The following PAX9 variants were observed in gnomAD, a reference collection of about 807,000 sequenced individuals.
The protein encoded by PAX9 is paired box protein Pax-9.
In PAX9, 6 loss-of-function variants were observed where a neutral mutation model predicts 29.1. The observed-to-expected ratio is 0.21, with a 90% confidence interval of 0.11 to 0.41. The LOEUF (loss-of-function observed/expected upper bound fraction) is 0.41, where lower values mean the gene tolerates loss of function less well. Among genes scored for constraint, PAX9 ranks in the 10% least tolerant of loss-of-function variants. The pLI is 1.00. For missense variants in PAX9, 443 were observed against 479.1 expected, an observed-to-expected ratio of 0.92 and a Z score of 0.70; for synonymous variants, 217 against 211.7, an observed-to-expected ratio of 1.03 and a Z score of -0.22.
chr14:36,667,969 C>T (rs551091945), intron 3 of PAX9, among the ~76,000 whole-genome samples: 2 of 152,320 alleles, frequency 1.3e-5, no homozygotes, highest in South Asian at 2.1e-4. Flanking sequence ...GTCTCTATTT[C>T]TTCATCTTTA....
intron 3 of PAX9, among the ~76,000 whole-genome samples, chr14:36,668,966 A>G (rs1489676913): frequency 6.6e-6 from 1 of 152,162 alleles, no homozygotes; most frequent in Non-Finnish European, 1.5e-5. Context: ...TTTTTCCAGA[A>G]TAAAAATATT....
upstream of PAX9, among the ~76,000 whole-genome samples, chr14:36,660,722 A>T (rs537869932): frequency 3.9e-5 from 6 of 152,340 alleles, no homozygotes; most frequent in South Asian, 1.2e-3. Flanking sequence ...CAAGCAGTAC[A>T]AACTCCCAAA....
chr14:36,676,625 A>C lies in PAX9; in HGVS notation c.*173A>C. On this transcript the variant is annotated 3_prime_UTR_variant, in exon 4 of 4. Coordinates refer to ENST00000361487, the MANE Select transcript of PAX9 (RefSeq NM_001372076.1). ...ATGACACTTACATATTTCTTGCCAT[A>C]ACTTTTCTCTTGCAGAAAAACTGAC... is the stretch of plus-strand genomic sequence containing the variant. 1.4e-6 allele frequency: 1 copy of C among 739,992 alleles called. No homozygotes were observed. The highest frequency in any genetic ancestry group is 2.7e-5 in the East Asian group (1 of 36,832). The allele number at this position is 739,992 out of a possible 1,614,324, so 45.8% of individuals were successfully genotyped here. A position where few individuals can be genotyped will look rare whatever the true frequency, so the allele number is the denominator to read the frequency against.
chr14:36,665,479 C>A (rs1428929970), intron 2 of PAX9, among the ~76,000 whole-genome samples: 1 of 152,140 alleles, frequency 6.6e-6, no homozygotes, highest in African/African-American at 2.4e-5. Context: ...GACCCAAAGA[C>A]AAACATACAT....
At chr14:36,671,776 A>G (rs1033850331) in intron 3 of PAX9, among the ~76,000 whole-genome samples, 2 of 152,180 alleles carry the variant, frequency 1.3e-5, no homozygotes, top group African/African-American at 2.4e-5. Context: ...TAAAACTTGT[A>G]CTTTCATTCT....
chr14:36,660,009 G>A (rs1881196995), upstream of PAX9, among the ~76,000 whole-genome samples: 1 of 152,174 alleles, frequency 6.6e-6, no homozygotes, highest in Non-Finnish European at 1.5e-5. Flanking sequence ...CGGAAGTAGA[G>A]CAGATTTGGC....
chr14:36,666,476 C>G lies in PAX9; in HGVS notation c.646C>G (p.Pro216Ala), dbSNP rs1881494008. ...CTCTCCATCAGTGAGCGACAGCTCC[C>G]CCTACCACAGCCCCAAGGTGGAGGA... is the stretch of plus-strand genomic sequence containing the variant. ...SITDQVSDSS[P>A]YHSPKVEEWS... The change falls in exon 3 of 4, where the codon CCC becomes GCC. Residue 216 changes from proline (P) to alanine (A), a missense_variant. Pro to Ala is a conservative substitution (Grantham distance 27). This residue lies in a region of PAX9 where 336 missense variants were observed against 317.2 expected (regional missense o/e 1.06). Coordinates refer to ENST00000361487, the MANE Select transcript of PAX9 (RefSeq NM_001372076.1). 3.7e-6 allele frequency: 6 copies of G among 1,611,100 alleles called. No homozygotes were observed. Among genetic ancestry groups the G allele is most frequent in the Non-Finnish European group, 5.1e-6 (6 of 1,179,026 alleles).
chr14:36,660,726 T>TC (rs1881225387), upstream of PAX9, among the ~76,000 whole-genome samples: 1 of 152,198 alleles, frequency 6.6e-6, no homozygotes, highest in Non-Finnish European at 1.5e-5. Flanking sequence ...CAGTACAAAC[T>TC]CCCAAATTCA....
chr14:36,662,663 C>T (rs17104893), intron 1 of PAX9: 7,974 of 582,504 alleles, frequency 0.014, 482 homozygotes, highest in African/African-American at 0.13. Context: ...CACCACTTTA[C>T]TTGGCCGTAG....
chr14:36,676,841 ATTG>A lies in PAX9; in HGVS notation c.*393_*395del, dbSNP rs1881913788. 1 of 236,322 alleles carries A rather than the reference ATTG, an allele frequency of 4.2e-6. No individual in the cohort carries two copies. Among genetic ancestry groups the A allele is most frequent in the South Asian group, 6.3e-5 (1 of 15,864 alleles). 14.6% of individuals were successfully genotyped at this position (236,322 alleles called of 1,614,324 possible). On this transcript the variant is annotated 3_prime_UTR_variant, in exon 4 of 4. Coordinates refer to ENST00000361487, the MANE Select transcript of PAX9 (RefSeq NM_001372076.1). ...TCAACCTGAACTTTTGAAATGTGCA[ATTG>A]TTGAGATTTTGCAAAATCAATAAAG... is the stretch of plus-strand genomic sequence containing the variant.
chr14:36,671,634 A>G (rs1881696647), intron 3 of PAX9, among the ~76,000 whole-genome samples: 1 of 152,166 alleles, frequency 6.6e-6, no homozygotes, highest in African/African-American at 2.4e-5. Flanking sequence ...ATACAAGATG[A>G]TTAAGGCAAG....
In PAX9 at chr14:36,679,254, A is replaced by C; in HGVS notation, c.*2802A>C. 1.0e-6 allele frequency: 1 copy of C among 984,016 alleles called. No homozygotes were observed. The highest frequency in any genetic ancestry group is 1.2e-6 in the Non-Finnish European group (1 of 828,644). 61.0% of individuals were successfully genotyped at this position (984,016 alleles called of 1,614,324 possible). On this transcript the variant is annotated 3_prime_UTR_variant, in exon 4 of 4. Coordinates refer to ENST00000361487, the MANE Select transcript of PAX9 (RefSeq NM_001372076.1). ...TGGACTGAAATATAAATTTTAAAAA[A>C]CACGTTGGAAAGGATGTACAACAGA...
upstream of PAX9, among the ~76,000 whole-genome samples, chr14:36,660,495 G>A (rs1331558921): frequency 6.6e-6 from 1 of 152,162 alleles, no homozygotes; most frequent in Non-Finnish European, 1.5e-5. Flanking sequence ...CATAGAAGTG[G>A]GAATCTGGAG....
rs889668597 is a variant in PAX9 at position 36,676,889 on chromosome 14, A to G, written c.*437A>G. 7.7e-5 allele frequency: 17 copies of G among 221,546 alleles called. No individual in the cohort carries two copies. Among genetic ancestry groups the G allele is most frequent in the African/African-American group, 3.7e-4 (16 of 43,528 alleles). The allele number at this position is 221,546 out of a possible 1,614,324, so 13.7% of individuals were successfully genotyped here. A position where few individuals can be genotyped will look rare whatever the true frequency, so the allele number is the denominator to read the frequency against. On this transcript the variant is annotated 3_prime_UTR_variant, in exon 4 of 4. Transcript: ENST00000361487. ...ATAAAGGAAAATACTTATAGAAAAA[A>G]TTATGCTACACCCTCTAATCAAATA...
At chr14:36,666,748 G>A (rs1307004276) in intron 3 of PAX9, 147 bp downstream of exon 3, 1 of 1,121,648 alleles carries the variant, frequency 8.9e-7, no homozygotes, top group Non-Finnish European at 1.3e-6. Context: ...ATCCTTCGTG[G>A]ACTGGGGCGA....
In PAX9 at chr14:36,676,207, G is replaced by C; in HGVS notation, c.781G>C (p.Gly261Arg). 1.2e-6 allele frequency: 2 copies of C among 1,614,042 alleles called. No homozygotes were observed. The highest frequency in any genetic ancestry group is 1.1e-5 in the South Asian group (1 of 91,074). ...QEAKYGQAPN[G>R]LPAVGSFVSA... Reference sequence around the variant, plus strand: ...TTTCTACTCCTCTCAGGCACCAAATGGTCTCCCAGCTGTGGGCAGTTTTGT... The same window carrying C: ...TTTCTACTCCTCTCAGGCACCAAATCGTCTCCCAGCTGTGGGCAGTTTTGT... Residue 261 changes from glycine (G) to arginine (R), a missense_variant, in exon 4 of 4, where the codon GGT becomes CGT. Physicochemically the swap from Gly to Arg is moderately radical, Grantham distance 125. Around this residue, in one of 2 missense-constraint regions of PAX9, gnomAD observed 336 missense variants for 317.2 expected, o/e 1.06. Coordinates refer to ENST00000361487, the MANE Select transcript of PAX9 (RefSeq NM_001372076.1).
intron 3 of PAX9, among the ~76,000 whole-genome samples, chr14:36,671,439 C>G (rs1028769784): frequency 6.6e-6 from 1 of 152,074 alleles, no homozygotes; most frequent in African/African-American, 2.4e-5. Flanking sequence ...CTTCTGTTTA[C>G]TTTTTTCAAC....
At chr14:36,660,541 T>G (rs1254092285), upstream of PAX9, among the ~76,000 whole-genome samples, 1 of 152,168 alleles carries the variant, frequency 6.6e-6, no homozygotes, top group East Asian at 1.9e-4. Context: ...TGATCATAGT[T>G]TTTTCCTGGG....
chr14:36,662,876 C>T (rs758428560), intron 1 of PAX9, 21 bp from the exon 2 acceptor site: 18 of 1,604,232 alleles, frequency 1.1e-5, no homozygotes, highest in Non-Finnish European at 1.3e-5. Context: ...CGTCCCTGCG[C>T]GCTGTGTGTT....
Sources: gnomAD v4.1 joint callset for allele counts (sites outside exome capture counted in the v4.1 genomes callset) on GRCh38, gnomAD v4.1.1 for gene constraint, gnomAD v4.1.1 regional missense constraint, MANE v1.5 for transcripts, NCBI Gene and HGNC (gene_info 2026-07-23, HGNC 2026-07-21) for gene names.